PHF2: variants seen among roughly 807,000 people sequenced by gnomAD.
PHF2 encodes the protein PHD finger protein 2.
Under a neutral mutation model 120.5 loss-of-function variants are expected in PHF2, and 27 were observed. That is an observed-to-expected ratio of 0.22 (90% CI 0.17 to 0.31). PHF2 has a LOEUF of 0.31. Among genes scored for constraint, PHF2 ranks in the 10% least tolerant of loss-of-function variants. The pLI is 1.00. For missense variants in PHF2, 1,024 were observed against 1,434.8 expected, an observed-to-expected ratio of 0.71 and a Z score of 4.63; for synonymous variants, 568 against 592.5, an observed-to-expected ratio of 0.96 and a Z score of 0.60.
At chr9:93,636,583 C>T (rs1452455083) in intron 3 of PHF2, 58 bp downstream of exon 3, 20 of 1,202,732 alleles carry the variant, frequency 1.7e-5, no homozygotes, top group East Asian at 1.3e-4. Flanking sequence ...ACACTCTCTC[C>T]GTCCCTTGTC....
intron 9 of PHF2, among the ~76,000 whole-genome samples, chr9:93,657,169 G>A (rs904526617): frequency 3.3e-5 from 5 of 152,160 alleles, no homozygotes; most frequent in Non-Finnish European, 7.4e-5. Context: ...AGACTGCCCA[G>A]CAGCGTGAGG....
At chr9:93,581,905 G>A (rs1035122144) in intron 1 of PHF2, among the ~76,000 whole-genome samples, 6 of 152,182 alleles carry the variant, frequency 3.9e-5, no homozygotes, top group Admixed American at 2.0e-4. Flanking sequence ...ATAGTGTTCC[G>A]TGACACAGTT....
intron 1 of PHF2, among the ~76,000 whole-genome samples, chr9:93,582,812 G>T (rs117432403): frequency 6.6e-6 from 1 of 152,204 alleles, no homozygotes; most frequent in East Asian, 1.9e-4. Context: ...TTTGGTGTGA[G>T]CCTCATCTTA....
intron 1 of PHF2, among the ~76,000 whole-genome samples, chr9:93,591,801 G>T (rs955445290): frequency 6.6e-6 from 1 of 152,176 alleles, no homozygotes; most frequent in Non-Finnish European, 1.5e-5. Context: ...AAGCCCGAGA[G>T]AGCATCTGTC....
At chr9:93,663,694 A>G (rs1429106825) in intron 14 of PHF2, 59 bp downstream of exon 14, 1 of 917,602 alleles carries the variant, frequency 1.1e-6, no homozygotes. Context: ...CACACACACC[A>G]TACATACTGC....
In PHF2 at chr9:93,656,455, A is replaced by C; in HGVS notation, c.1041-34A>C. On this transcript the variant is annotated intron_variant, in intron 8 of 21. Coordinates refer to ENST00000359246, the MANE Select transcript of PHF2 (RefSeq NM_005392.4). This position sits in a 1 kb window ranked among gnomAD's most constrained non-coding sequence, Gnocchi z 4.1. ...GCCCAGCGTCGCCTGCTTGATGGTC[A>C]GTGCACTGAGAACTGCTCTTTGGTG... is the stretch of plus-strand genomic sequence containing the variant. 1.4e-6 allele frequency: 2 copies of C among 1,428,414 alleles called. No individual in the cohort carries two copies. Among genetic ancestry groups the C allele is most frequent in the East Asian group, 2.3e-5 (1 of 43,826 alleles). 88.5% of individuals were successfully genotyped at this position (1,428,414 alleles called of 1,614,324 possible). A position where few individuals can be genotyped will look rare whatever the true frequency, so the allele number is the denominator to read the frequency against.
chr9:93,650,817 C>T (rs1430636816), intron 5 of PHF2, among the ~76,000 whole-genome samples: 2 of 152,196 alleles, frequency 1.3e-5, no homozygotes, highest in Non-Finnish European at 2.9e-5. Flanking sequence ...GCGCGGGTGG[C>T]TAAGGATGGC....
intron 18 of PHF2, among the ~76,000 whole-genome samples, chr9:93,674,367 G>A (rs1826869322): frequency 6.6e-6 from 1 of 152,126 alleles, no homozygotes; most frequent in Non-Finnish European, 1.5e-5. Flanking sequence ...CAGGGTGGGG[G>A]CTGTCAGAGC....
chr9:93,661,505 G>A (rs1056022616), intron 12 of PHF2, among the ~76,000 whole-genome samples: 10 of 152,162 alleles, frequency 6.6e-5, no homozygotes, highest in African/African-American at 2.2e-4. Context: ...ATGGATGGTT[G>A]AATGGATTAA....
In PHF2 at chr9:93,665,982, G is replaced by T. The variant is rs375823330; in HGVS notation, c.2117-8G>T. On this transcript the variant is annotated splice_region_variant and splice_polypyrimidine_tract_variant and intron_variant, in intron 15 of 21. Coordinates refer to ENST00000359246, the MANE Select transcript of PHF2 (RefSeq NM_005392.4). ...CTCCCGCTGGACTGCCATCTGCTGTGCTTTCAGTCTTGTTGGATAAGAAGG... is the reference window on the plus strand; with the variant it reads ...CTCCCGCTGGACTGCCATCTGCTGTTCTTTCAGTCTTGTTGGATAAGAAGG... 3.1e-5 allele frequency: 50 copies of T among 1,613,358 alleles called. No homozygotes were observed. In the African/African-American group the frequency reaches 4.4e-4, roughly 14 times the overall value.
At chr9:93,625,907 A>G (rs1179453341) in intron 1 of PHF2, among the ~76,000 whole-genome samples, 2 of 152,028 alleles carry the variant, frequency 1.3e-5, no homozygotes, top group African/African-American at 4.8e-5. Context: ...CATTGATGTA[A>G]GAGGGTTATG....
intron 5 of PHF2, among the ~76,000 whole-genome samples, chr9:93,650,030 C>T (rs1453333734): frequency 1.3e-5 from 2 of 151,956 alleles, no homozygotes; most frequent in African/African-American, 4.8e-5. Context: ...CACTCGCCAA[C>T]ACACGACACA....
chr9:93,589,800 C>A (rs1168673124), intron 1 of PHF2, among the ~76,000 whole-genome samples: 1 of 152,184 alleles, frequency 6.6e-6, no homozygotes, highest in Non-Finnish European at 1.5e-5. Context: ...GGAGCGGACT[C>A]CCAGCTCCAG....
At chr9:93,586,975 T>C (rs1863057683) in intron 1 of PHF2, among the ~76,000 whole-genome samples, 1 of 151,732 alleles carries the variant, frequency 6.6e-6, no homozygotes, top group South Asian at 2.1e-4. Context: ...TGAGGGGAGA[T>C]ATGGTTAGGG....
chr9:93,615,849 G>A (rs554401993), intron 1 of PHF2, among the ~76,000 whole-genome samples: 13 of 152,326 alleles, frequency 8.5e-5, no homozygotes, highest in Admixed American at 1.3e-4. Context: ...TGGTTCAGGA[G>A]GCCTTCTCTG....
intron 5 of PHF2, among the ~76,000 whole-genome samples, chr9:93,649,529 CAGAG>C (rs997264813): frequency 1.3e-5 from 2 of 152,098 alleles, no homozygotes; most frequent in African/African-American, 4.8e-5. Context: ...TCCCACTCCT[CAGAG>C]AGAACCATTG....
chr9:93,650,758 C>T (rs991037486), intron 5 of PHF2, among the ~76,000 whole-genome samples: 1 of 152,214 alleles, frequency 6.6e-6, no homozygotes, highest in African/African-American at 2.4e-5. Flanking sequence ...ATCACCTCTG[C>T]CCTCCAGCTG....
rs148301392 is a variant in PHF2, at chr9:93,614,473, G to T, written c.99-15497G>T. ...AAGAGAAGCACAGAGAAGTGCAAAT[G>T]AAGGCATCATGGCTTGGGAGGAAGA... On this transcript the variant is annotated intron_variant, in intron 1 of 21. Transcript: ENST00000359246. Among the ~76,000 whole-genome samples the T allele has an allele frequency of 9.8e-4, 150 of 152,348 alleles. No homozygotes were observed. The East Asian group carries it at 0.021, about 22-fold the overall frequency.
intron 12 of PHF2, among the ~76,000 whole-genome samples, chr9:93,662,078 GATGAATGGATGGATGAACAA>G (rs1418029163): frequency 6.6e-6 from 1 of 151,518 alleles, no homozygotes; most frequent in Non-Finnish European, 1.5e-5. Flanking sequence ...TGGTTGGGTG[GATGAATGGATGGATGAACAA>G]ATGGGTGGGT....
Sources: allele counts gnomAD v4.1 joint callset (sites outside exome capture counted in the v4.1 genomes callset), GRCh38; gene constraint gnomAD v4.1.1; non-coding constraint Gnocchi (gnomAD v3.1); transcripts MANE v1.5; gene names NCBI Gene and HGNC (gene_info 2026-07-23, HGNC 2026-07-21).